SLC44A5: variants seen among roughly 807,000 people sequenced by gnomAD.
The protein encoded by SLC44A5 is solute carrier family 44 member 5.
In SLC44A5, 57 loss-of-function variants were observed where a neutral mutation model predicts 101.8. The observed-to-expected ratio is 0.56, with a 90% CI of 0.45 to 0.70. The LOEUF (loss-of-function observed/expected upper bound fraction) is 0.70. Among genes scored for constraint, SLC44A5 ranks in the 30% least tolerant of loss-of-function variants. SLC44A5 has a pLI of 0.00. For synonymous variants in SLC44A5, 281 were observed against 290.9 expected, an observed-to-expected ratio of 0.97 and a Z score of 0.35; for missense variants, 737 against 853.1, an observed-to-expected ratio of 0.86 and a Z score of 1.70.
chr1:75,207,655 G>A (rs1054513075), intron 23 of SLC44A5, among the ~76,000 whole-genome samples: 2 of 152,084 alleles, frequency 1.3e-5, no homozygotes, highest in African/African-American at 2.4e-5. Flanking sequence ...CATGATAGAC[G>A]CTGAACATTT....
chr1:75,347,685 A>AGC (rs1658349497), intron 3 of SLC44A5, among the ~76,000 whole-genome samples: 2 of 148,048 alleles, frequency 1.4e-5, no homozygotes, highest in South Asian at 4.3e-4. Flanking sequence ...AGTGGTGGTG[A>AGC]GTGTGTGTGT....
At chr1:75,410,994 A>G (rs1663240350) in intron 2 of SLC44A5, among the ~76,000 whole-genome samples, 1 of 152,078 alleles carries the variant, frequency 6.6e-6, no homozygotes, top group Admixed American at 6.6e-5. Flanking sequence ...ATGGGGTGTA[A>G]TCATAGTAAG....
At chr1:75,351,653 A>G (rs1045430733) in intron 3 of SLC44A5, among the ~76,000 whole-genome samples, 1 of 152,042 alleles carries the variant, frequency 6.6e-6, no homozygotes, top group Non-Finnish European at 1.5e-5. Flanking sequence ...ACTTGGCAAG[A>G]TAATGTGCTT....
Position 75,502,556 on chromosome 1 carries a change from A to T in SLC44A5, c.13+38879T>A, listed in dbSNP as rs557877282. ...TCTCTACTTTCTTTTTTATTTGTTT[A>T]TTTTTTTATTATTATACTTTAAGTT... On this transcript the variant is annotated intron_variant, in intron 2 of 23. Coordinates refer to ENST00000370859, the MANE Select transcript of SLC44A5 (RefSeq NM_001130058.2). 6.3e-3 allele frequency among the ~76,000 whole-genome samples: 725 copies of T among 115,364 alleles called. 3 individuals carry two copies. Among genetic ancestry groups the T allele is most frequent in the Non-Finnish European group, 0.011 (546 of 50,574 alleles). The allele number at this position is 115,364 out of a possible 152,430, so 75.7% of individuals were successfully genotyped here.
rs537694287 is a variant in SLC44A5 at position 75,243,717 on chromosome 1, GT to G, written c.346-707del. ...GGAAATTAATATTGTTACTGGTATA[GT>G]TTGGTTATTTGTCCCCACATACCTC... On this transcript the variant is annotated intron_variant, in intron 7 of 23. Transcript: ENST00000370859. Among the ~76,000 whole-genome samples the G allele has an allele frequency of 2.9e-3, 442 of 152,146 alleles. 3 individuals carry two copies. Among genetic ancestry groups the G allele is most frequent in the African/African-American group, 9.7e-3 (403 of 41,530 alleles).
rs146981541 is a variant in SLC44A5, at chr1:75,415,230, G to T, written c.14-18609C>A. 4.6e-3 allele frequency among the ~76,000 whole-genome samples: 702 copies of T among 152,292 alleles called. 3 individuals are homozygous for T. Among genetic ancestry groups the T allele is most frequent in the African/African-American group, 0.016 (674 of 41,560 alleles). On this transcript the variant is annotated intron_variant, in intron 2 of 23. Transcript: ENST00000370859. ...CATAATTCCCACGTGTTGTGGGAGG[G>T]ACCTGGTGGGAGATGACTGAATCAT...
At chr1:75,258,573 T>C (rs1025557288) in intron 6 of SLC44A5, among the ~76,000 whole-genome samples, 3 of 152,054 alleles carry the variant, frequency 2.0e-5, no homozygotes, top group African/African-American at 4.8e-5. Flanking sequence ...ACAGAGCACC[T>C]GGAGGAAGGG....
the SLC44A5 span, among the ~76,000 whole-genome samples, chr1:75,664,184 A>G: frequency 6.8e-4 from 103 of 152,174 alleles, no homozygotes; most frequent in African/African-American, 2.4e-3. Context: ...TGACAAATCC[A>G]CCCACCACCA....
intron 2 of SLC44A5, among the ~76,000 whole-genome samples, chr1:75,522,684 T>C (rs1282706049): frequency 2.0e-5 from 3 of 152,186 alleles, no homozygotes; most frequent in Admixed American, 2.0e-4. Context: ...CTAAACTAGA[T>C]ATGCAGCGCT....
At chr1:75,393,905 G>T (rs1006764651) in intron 3 of SLC44A5, among the ~76,000 whole-genome samples, 9 of 152,216 alleles carry the variant, frequency 5.9e-5, no homozygotes, top group African/African-American at 1.7e-4. Context: ...GAGAAAGGAA[G>T]GTAGACACAA....
At position 75,274,941 on chromosome 1, in the gene SLC44A5, A is replaced by G. The variant is rs1255270762; in HGVS notation, c.260+17T>C. 1 of 1,601,148 alleles carries G rather than the reference A, an allele frequency of 6.2e-7. No individual in the cohort carries two copies. Among genetic ancestry groups the G allele is most frequent in the Non-Finnish European group, 8.5e-7 (1 of 1,169,978 alleles). On this transcript the variant is annotated intron_variant, in intron 6 of 23. Transcript: ENST00000370859. ...TTAGACAGTAAAATCACACAAAGCA[A>G]AGGTGGCCATACTCACTCATTGGGA...
chr1:75,521,080 T>A (rs1371431323), intron 2 of SLC44A5, among the ~76,000 whole-genome samples: 1 of 152,150 alleles, frequency 6.6e-6, no homozygotes, highest in African/African-American at 2.4e-5. Context: ...AAATGGGATG[T>A]ACATACAGCA....
chr1:75,476,849 G>A (rs1004458495), intron 2 of SLC44A5, among the ~76,000 whole-genome samples: 1 of 152,244 alleles, frequency 6.6e-6, no homozygotes, highest in South Asian at 2.1e-4. Flanking sequence ...AAAGACAGCA[G>A]TAACCTCTGC....
intron 3 of SLC44A5, among the ~76,000 whole-genome samples, chr1:75,385,015 C>G (rs926158618): frequency 5.3e-5 from 8 of 152,040 alleles, no homozygotes; most frequent in African/African-American, 1.9e-4. Context: ...CCAATGAGAA[C>G]AAAGACACAA....
At chr1:75,227,942 G>A in intron 12 of SLC44A5, 85 bp from the exon 13 acceptor site, 1 of 1,085,638 alleles carries the variant, frequency 9.2e-7, no homozygotes, top group Non-Finnish European at 1.3e-6. Flanking sequence ...ATATCTATAT[G>A]AAACTGATCA....
At chr1:75,243,268 C>G (rs935864197) in intron 7 of SLC44A5, among the ~76,000 whole-genome samples, 10 of 151,968 alleles carry the variant, frequency 6.6e-5, no homozygotes, top group East Asian at 3.9e-4. Context: ...CTTTGAGTAG[C>G]TGAGACTACA....
the SLC44A5 span, among the ~76,000 whole-genome samples, chr1:75,619,079 A>AG: frequency 0.28 from 26,886 of 95,368 alleles, 3,420 homozygotes; most frequent in Middle Eastern, 0.38. Context: ...TCAAAAAAAA[A>AG]GGGGGGGGGG....
At chr1:75,267,817 C>T (rs1178245257) in intron 6 of SLC44A5, among the ~76,000 whole-genome samples, 3 of 152,068 alleles carry the variant, frequency 2.0e-5, no homozygotes, top group East Asian at 3.9e-4. Flanking sequence ...GTGATTGGCT[C>T]GCCTCGGCTT....
At chr1:75,248,343 TA>T (rs571909662) in intron 7 of SLC44A5, among the ~76,000 whole-genome samples, 25 of 152,074 alleles carry the variant, frequency 1.6e-4, no homozygotes, top group African/African-American at 6.0e-4. Flanking sequence ...AAAATGATAA[TA>T]AAAAAACATT....
Sources: gnomAD v4.1 joint callset for allele counts (sites outside exome capture counted in the v4.1 genomes callset) on GRCh38, gnomAD v4.1.1 for gene constraint, MANE v1.5 for transcripts, NCBI Gene and HGNC (gene_info 2026-07-23, HGNC 2026-07-21) for gene names.